The following LARGE1 variants were observed in gnomAD, a reference collection of about 807,000 sequenced individuals.
LARGE1 encodes the protein LARGE xylosyl- and glucuronyltransferase 1.
LARGE1 carries 43 observed loss-of-function variants against 87.6 expected under a neutral mutation model. The observed-to-expected ratio is 0.49, with a 90% confidence interval of 0.38 to 0.63. LARGE1 has a LOEUF of 0.63. Ranked by LOEUF, LARGE1 falls within the 30% of genes least tolerant of loss-of-function variation. The probability of loss-of-function intolerance (pLI) is 0.00; values close to 1 mark genes in which losing one functional copy is unlikely to be tolerated. For synonymous variants in LARGE1, 434 were observed against 394.6 expected, an observed-to-expected ratio of 1.10 and a Z score of -1.18; for missense variants, 802 against 1,000.2, an observed-to-expected ratio of 0.80 and a Z score of 2.67.
intron 11 of LARGE1, among the ~76,000 whole-genome samples, chr22:33,239,535 C>CTTTTTTTTTTTTTTTTTTTTTTTTTT (rs71187254): frequency 7.3e-5 from 7 of 95,314 alleles, no homozygotes; most frequent in Non-Finnish European, 8.1e-5. Flanking sequence ...TTTTTCTTTT[C>CTTTTTTTTTTTTTTTTTTTTTTTTTT]TTTTTTTTTT....
intron 4 of LARGE1, among the ~76,000 whole-genome samples, chr22:33,616,077 G>A (rs1183116384): frequency 6.6e-6 from 1 of 152,158 alleles, no homozygotes; most frequent in South Asian, 2.1e-4. Context: ...GTAAAATGAA[G>A]CAGCTGGTAG....
intron 6 of LARGE1, among the ~76,000 whole-genome samples, chr22:33,498,958 G>C (rs1195724652): frequency 2.0e-5 from 3 of 151,744 alleles, no homozygotes. Flanking sequence ...GGGAACAGAG[G>C]GAGATTCCGT....
chr22:33,384,257 G>C lies in LARGE1; in HGVS notation c.940C>G (p.Gln314Glu), dbSNP rs559892854. The C allele has an allele frequency of 2.4e-5, 38 of 1,614,050 alleles. No homozygotes were observed. The South Asian group carries it at 3.3e-4, about 14-fold the overall frequency. Residue 314 changes from glutamine (Q) to glutamate (E), a missense_variant, in exon 8 of 15, where the codon CAG (glutamine) becomes GAG (glutamate). Gln to Glu is a conservative substitution (Grantham distance 29). Around this residue, in one of 2 missense-constraint regions of LARGE1, gnomAD observed 625 missense variants for 841.9 expected, o/e 0.74. Transcript: ENST00000397394. ...CTCTCTGCGGTCAGCCTCCACATCTGCTCCCATTTCATCTTCCGCAGCTTA... is the reference window on the plus strand; with the variant it reads ...CTCTCTGCGGTCAGCCTCCACATCTCCTCCCATTTCATCTTCCGCAGCTTA... The part of the protein sequence containing the change: ...LDKLRKMKWE[Q>E]MWRLTAEREL...
chr22:33,369,357 GAC>G (rs1235788089), intron 9 of LARGE1, among the ~76,000 whole-genome samples: 1 of 152,148 alleles, frequency 6.6e-6, no homozygotes, highest in Admixed American at 6.5e-5. Flanking sequence ...GGTTTTCAGA[GAC>G]TCCAGCTAAT....
the LARGE1 span, among the ~76,000 whole-genome samples, chr22:33,106,321 A>G: frequency 6.6e-6 from 1 of 152,280 alleles, no homozygotes; most frequent in South Asian, 2.1e-4. Context: ...GGACAAAACA[A>G]AAAGCTGCTT....
chr22:33,480,365 A>G (rs1413708268), intron 6 of LARGE1, among the ~76,000 whole-genome samples: 2 of 152,060 alleles, frequency 1.3e-5, no homozygotes, highest in Non-Finnish European at 2.9e-5. Flanking sequence ...CATCCATCTC[A>G]TGTCTTGATG....
chr22:33,656,225 T>C (rs2080956618), intron 2 of LARGE1, among the ~76,000 whole-genome samples: 1 of 152,160 alleles, frequency 6.6e-6, no homozygotes. Context: ...CAGTTCCTCA[T>C]GGTTTGGGAG....
the LARGE1 span, among the ~76,000 whole-genome samples, chr22:33,114,739 C>A: frequency 6.6e-6 from 1 of 152,134 alleles, no homozygotes; most frequent in Non-Finnish European, 1.5e-5. Context: ...ATTTCACTTG[C>A]CTGAATCATA....
the LARGE1 span, among the ~76,000 whole-genome samples, chr22:33,080,285 A>G: frequency 6.6e-6 from 1 of 152,174 alleles, no homozygotes; most frequent in Admixed American, 6.5e-5. Context: ...GTTGGTATAT[A>G]TGTGTATTTG....
intron 9 of LARGE1, among the ~76,000 whole-genome samples, chr22:33,339,302 A>T (rs1035451977): frequency 6.6e-6 from 1 of 151,970 alleles, no homozygotes; most frequent in Non-Finnish European, 1.5e-5. Context: ...GGGGTGGCTC[A>T]TTTGGAGCAT....
chr22:33,344,242 TTTTC>T (rs781285307), intron 9 of LARGE1, among the ~76,000 whole-genome samples: 1 of 152,228 alleles, frequency 6.6e-6, no homozygotes, highest in East Asian at 1.9e-4. Context: ...TCAGAAATGA[TTTTC>T]TTTCTATTAT....
the LARGE1 span, among the ~76,000 whole-genome samples, chr22:33,097,599 T>C: frequency 6.6e-6 from 1 of 152,200 alleles, no homozygotes; most frequent in Non-Finnish European, 1.5e-5. Flanking sequence ...TGAAGACACC[T>C]CTTTCCAAGA....
At chr22:33,125,680 C>T in the LARGE1 span, among the ~76,000 whole-genome samples, 18 of 152,170 alleles carry the variant, frequency 1.2e-4, no homozygotes, top group African/African-American at 4.1e-4. Context: ...CTCCTGACCT[C>T]GTGATCCACT....
Position 33,673,434 on chromosome 22 carries a change from C to T in LARGE1, c.107-22766G>A, listed in dbSNP as rs183623811. ...CATCTCCACCCACAACTCCACATCCCAAACTCTCAGCAGGTCTCTCTGTCT... is the reference window on the plus strand; with the variant it reads ...CATCTCCACCCACAACTCCACATCCTAAACTCTCAGCAGGTCTCTCTGTCT... On this transcript the variant is annotated intron_variant, in intron 2 of 14. Coordinates refer to ENST00000397394, the MANE Select transcript of LARGE1 (RefSeq NM_133642.5). Among the ~76,000 whole-genome samples the T allele has an allele frequency of 5.9e-5, 9 of 152,316 alleles. No individual in the cohort carries two copies. The East Asian group carries it at 1.5e-3, about 26-fold the overall frequency.
chr22:33,565,123 T>A (rs1482805625), intron 5 of LARGE1, 104 bp from the exon 6 acceptor site: 9 of 1,036,758 alleles, frequency 8.7e-6, no homozygotes, highest in Non-Finnish European at 1.3e-5. Flanking sequence ...ACAAAAAGTA[T>A]CCAATAAAAA....
At chr22:33,768,694 C>A (rs571317196) in intron 1 of LARGE1, among the ~76,000 whole-genome samples, 1 of 152,122 alleles carries the variant, frequency 6.6e-6, no homozygotes, top group Non-Finnish European at 1.5e-5. Flanking sequence ...CGACTAAAAC[C>A]CCTTCTGGGC....
intron 1 of LARGE1, among the ~76,000 whole-genome samples, chr22:33,916,902 A>AC (rs1202892678): frequency 6.6e-6 from 1 of 152,060 alleles, no homozygotes; most frequent in African/African-American, 2.4e-5. Flanking sequence ...CCAATCTCTT[A>AC]CCCCTTGGCT....
At chr22:33,731,320 T>G (rs1220469948) in intron 2 of LARGE1, among the ~76,000 whole-genome samples, 1 of 152,070 alleles carries the variant, frequency 6.6e-6, no homozygotes, top group Admixed American at 6.6e-5. Flanking sequence ...CATTTCTAAG[T>G]AGAATGACCC....
the LARGE1 span, among the ~76,000 whole-genome samples, chr22:33,138,383 G>A: frequency 6.6e-6 from 1 of 152,106 alleles, no homozygotes; most frequent in African/African-American, 2.4e-5. Context: ...TGATTTTACA[G>A]GCTGATAGGC....
Sources: allele counts gnomAD v4.1 joint callset (sites outside exome capture counted in the v4.1 genomes callset), GRCh38; gene constraint gnomAD v4.1.1; regional missense constraint gnomAD v4.1.1; transcripts MANE v1.5; gene names NCBI Gene and HGNC (gene_info 2026-07-23, HGNC 2026-07-21).